Variants in ARHGAP22 observed in about 807,000 individuals in gnomAD.
ARHGAP22 encodes rho GTPase-activating protein 22.
ARHGAP22 carries 48 observed loss-of-function variants against 59.1 expected under a neutral mutation model. That is an observed-to-expected ratio of 0.81 (90% CI 0.64 to 1.03). ARHGAP22 has a LOEUF of 1.03. Ranked by LOEUF, ARHGAP22 falls within the 50% of genes least tolerant of loss-of-function variation. ARHGAP22 has a pLI of 0.00. For missense variants in ARHGAP22, 1,015 were observed against 958.7 expected (o/e 1.06, Z -0.78); for synonymous variants, 445 against 416.4 (o/e 1.07, Z -0.84).
At chr10:48,474,239 G>A (rs1023025267) in intron 4 of ARHGAP22, among the ~76,000 whole-genome samples, 18 of 151,472 alleles carry the variant, frequency 1.2e-4, no homozygotes, top group East Asian at 5.8e-4. Flanking sequence ...TCTTAATTTC[G>A]TTTTCAGTTT....
At chr10:48,465,528 T>A (rs2047569388) in intron 4 of ARHGAP22, among the ~76,000 whole-genome samples, 2 of 152,210 alleles carry the variant, frequency 1.3e-5, no homozygotes, top group African/African-American at 4.8e-5. Context: ...TGCTTTGAAA[T>A]GCGGCTTTCT....
intron 4 of ARHGAP22, among the ~76,000 whole-genome samples, chr10:48,460,147 ACCTG>A (rs2046999677): frequency 2.0e-5 from 3 of 152,128 alleles, no homozygotes; most frequent in Non-Finnish European, 4.4e-5. Flanking sequence ...TGGTGGTGTG[ACCTG>A]GCCATGGAGC....
In ARHGAP22 at chr10:48,450,268, C is replaced by A; in HGVS notation, c.1861G>T (p.Val621Leu). The change falls in exon 9 of 10, where the codon GTG becomes TTG. Residue 621 changes from valine to leucine, a missense_variant. Coordinates refer to ENST00000249601, the MANE Select transcript of ARHGAP22 (RefSeq NM_021226.4). ...CRQRTEYERS[V>L]KRIEEGSADL... Reference sequence around the variant, plus strand: ...CACGGGGCAGCAAGTTACCTTTTCACACTCCTCTCGTACTCAGTCCGCTGG... The same window carrying A: ...CACGGGGCAGCAAGTTACCTTTTCAAACTCCTCTCGTACTCAGTCCGCTGG... 6.2e-7 allele frequency: 1 copy of A among 1,609,396 alleles called. No individual in the cohort carries two copies. The highest frequency in any genetic ancestry group is 2.2e-5 in the East Asian group (1 of 44,718).
In ARHGAP22 at chr10:48,446,315, A is replaced by C. The variant is rs1276819007; in HGVS notation, c.*76T>G. 2 of 1,510,066 alleles carry C rather than the reference A, an allele frequency of 1.3e-6. No homozygotes were observed. The highest frequency in any genetic ancestry group is 9.1e-7 in the Non-Finnish European group (1 of 1,104,578). 93.5% of individuals were successfully genotyped at this position (1,510,066 alleles called of 1,614,324 possible). A position where few individuals can be genotyped will look rare whatever the true frequency, so the allele number is the denominator to read the frequency against. ...GCTCCAGAGCGCCTGGCTGCTCCAG[A>C]GATACAGACGCTTCTAACTCCATAC... On this transcript the variant is annotated 3_prime_UTR_variant, in exon 10 of 10. Transcript: ENST00000249601.
chr10:48,457,451 C>G (rs577526479), intron 5 of ARHGAP22, among the ~76,000 whole-genome samples: 4 of 152,284 alleles, frequency 2.6e-5, no homozygotes, highest in Admixed American at 6.5e-5. Flanking sequence ...GACCCACCCC[C>G]CTTAGAATTT....
chr10:48,455,921 C>T (rs1402215810), intron 5 of ARHGAP22, among the ~76,000 whole-genome samples: 2 of 152,204 alleles, frequency 1.3e-5, no homozygotes, highest in African/African-American at 2.4e-5. Flanking sequence ...TCATCACCCC[C>T]TCTCCAGTGC....
intron 3 of ARHGAP22, among the ~76,000 whole-genome samples, chr10:48,543,848 G>A (rs564971101): frequency 2.0e-5 from 3 of 152,332 alleles, no homozygotes; most frequent in Admixed American, 6.5e-5. Flanking sequence ...GAGGCTGGGC[G>A]TGGTGGCTCA....
intron 3 of ARHGAP22, chr10:48,524,038 G>A (rs2054084879): frequency 4.7e-6 from 7 of 1,474,230 alleles, no homozygotes; most frequent in Non-Finnish European, 6.3e-6. Flanking sequence ...GGGCGCACGT[G>A]CGCGCCGGAG....
intron 1 of ARHGAP22, among the ~76,000 whole-genome samples, chr10:48,592,422 G>C (rs1289096816): frequency 6.6e-6 from 1 of 152,206 alleles, no homozygotes; most frequent in African/African-American, 2.4e-5. Context: ...CGTCCAGTCA[G>C]TCCTCCCATT....
intron 2 of ARHGAP22, among the ~76,000 whole-genome samples, chr10:48,558,544 T>A (rs1040952499): frequency 2.0e-5 from 3 of 152,054 alleles, no homozygotes; most frequent in African/African-American, 7.2e-5. Context: ...TTTTTTAATT[T>A]TCAGTAGAAA....
chr10:48,645,122 A>G (rs1325012574), intron 1 of ARHGAP22, among the ~76,000 whole-genome samples: 1 of 152,166 alleles, frequency 6.6e-6, no homozygotes, highest in Non-Finnish European at 1.5e-5. Flanking sequence ...AATACTATGA[A>G]CAACCTTACG....
At position 48,446,366 on chromosome 10, in the gene ARHGAP22, A is replaced by T. The variant is rs2045348206; in HGVS notation, c.*25T>A. The T allele has an allele frequency of 2.5e-6, 4 of 1,612,170 alleles. No homozygotes were observed. Among genetic ancestry groups the T allele is most frequent in the Non-Finnish European group, 8.5e-7 (1 of 1,178,368 alleles). On this transcript the variant is annotated 3_prime_UTR_variant, in exon 10 of 10. Coordinates refer to ENST00000249601, the MANE Select transcript of ARHGAP22 (RefSeq NM_021226.4). ...AAGGCTGGAGACCAGCAGACGTGGTACAGAAGTGAGCTCTGCCATTCCTTT... is the reference window on the plus strand; with the variant it reads ...AAGGCTGGAGACCAGCAGACGTGGTTCAGAAGTGAGCTCTGCCATTCCTTT...
chr10:48,459,447 T>G (rs2046917614), intron 5 of ARHGAP22, among the ~76,000 whole-genome samples: 1 of 152,208 alleles, frequency 6.6e-6, no homozygotes, highest in African/African-American at 2.4e-5. Context: ...TATTAGCATG[T>G]GCAGGGGAGG....
At chr10:48,637,447 G>C (rs551407795) in intron 1 of ARHGAP22, among the ~76,000 whole-genome samples, 8 of 151,538 alleles carry the variant, frequency 5.3e-5, no homozygotes, top group Non-Finnish European at 1.2e-4. Flanking sequence ...GGGTGAATGG[G>C]TGGATTTGTA....
chr10:48,431,622 A>G, the ARHGAP22 span, among the ~76,000 whole-genome samples: 4 of 152,196 alleles, frequency 2.6e-5, no homozygotes, highest in Admixed American at 6.5e-5. Flanking sequence ...TAAAAGCTTC[A>G]CTGCAAAATT....
At chr10:48,623,415 G>A (rs1030934749) in intron 1 of ARHGAP22, among the ~76,000 whole-genome samples, 1 of 152,268 alleles carries the variant, frequency 6.6e-6, no homozygotes, top group South Asian at 2.1e-4. Flanking sequence ...CCTTCTTATG[G>A]CTCTGTGTCT....
chr10:48,601,574 T>C (rs1301111389), intron 1 of ARHGAP22, among the ~76,000 whole-genome samples: 1 of 152,204 alleles, frequency 6.6e-6, no homozygotes, highest in Non-Finnish European at 1.5e-5. Context: ...TTGTTTCTTT[T>C]ACACCCTTTC....
At chr10:48,653,980 C>T (rs961948914), upstream of ARHGAP22, among the ~76,000 whole-genome samples, 7 of 152,164 alleles carry the variant, frequency 4.6e-5, no homozygotes, top group African/African-American at 9.7e-5. Context: ...AACTGGGTAT[C>T]CTGTATTTTA....
chr10:48,430,855 A>G, the ARHGAP22 span: 1 of 282,952 alleles, frequency 3.5e-6, no homozygotes, highest in Non-Finnish European at 6.6e-6. Flanking sequence ...CCTGAGACAG[A>G]TGGTAGTACA....
Sources: gnomAD v4.1 joint callset for allele counts (sites outside exome capture counted in the v4.1 genomes callset) on GRCh38, gnomAD v4.1.1 for gene constraint, MANE v1.5 for transcripts, NCBI Gene and HGNC (gene_info 2026-07-23, HGNC 2026-07-21) for gene names.